The following ROBO2 variants were observed in gnomAD, a reference collection of about 807,000 sequenced individuals.
ROBO2 encodes roundabout guidance receptor 2, also known as roundabout homolog 2.
Under a neutral mutation model 160.8 loss-of-function variants are expected in ROBO2, and 53 were observed. The observed-to-expected ratio is 0.33, with a 90% confidence interval of 0.26 to 0.41. The LOEUF is 0.41. ROBO2 is among the 10% of genes least tolerant of loss of function. The pLI is 1.00. For missense variants in ROBO2, 1,577 were observed against 1,722.4 expected, an observed-to-expected ratio of 0.92 and a Z score of 1.49; for synonymous variants, 664 against 611.7, an observed-to-expected ratio of 1.09 and a Z score of -1.26.
intron 11 of ROBO2, chr3:77,564,491 A>C (rs2093423802): frequency 2.2e-6 from 1 of 455,664 alleles, no homozygotes; most frequent in Non-Finnish European, 4.4e-6. Context: ...TGCATGTGGA[A>C]ATGATGCAAA....
intron 2 of ROBO2, among the ~76,000 whole-genome samples, chr3:76,411,914 G>A (rs994327565): frequency 4.6e-5 from 7 of 152,074 alleles, no homozygotes; most frequent in East Asian, 1.9e-4. Flanking sequence ...TTTTCCCTTC[G>A]CCAAAGGTAC....
intron 2 of ROBO2, among the ~76,000 whole-genome samples, chr3:76,693,851 T>C (rs533474825): frequency 6.6e-6 from 1 of 152,322 alleles, no homozygotes; most frequent in South Asian, 2.1e-4. Context: ...CTTCAATCGA[T>C]TGGGTGGTGC....
intron 2 of ROBO2, among the ~76,000 whole-genome samples, chr3:76,572,101 CACTT>C (rs373431963): frequency 1.1e-4 from 17 of 152,108 alleles, no homozygotes; most frequent in African/African-American, 4.1e-4. Context: ...TAATATGTGG[CACTT>C]ACTATGTGTC....
chr3:76,840,744 C>T (rs898365825), intron 2 of ROBO2, among the ~76,000 whole-genome samples: 8 of 149,786 alleles, frequency 5.3e-5, no homozygotes, highest in African/African-American at 2.0e-4. Flanking sequence ...TTTGATTAAA[C>T]TTTTGCTAAA....
intron 2 of ROBO2, among the ~76,000 whole-genome samples, chr3:77,432,668 T>G (rs2153543121): frequency 6.6e-6 from 1 of 152,334 alleles, no homozygotes; most frequent in Admixed American, 6.5e-5. Flanking sequence ...AAAGACCTTT[T>G]GGTCCACAAA....
intron 2 of ROBO2, among the ~76,000 whole-genome samples, chr3:76,208,726 A>G (rs1168519973): frequency 6.6e-6 from 1 of 152,044 alleles, no homozygotes; most frequent in African/African-American, 2.4e-5. Flanking sequence ...CTGCCCTTAG[A>G]TACGATTTGT....
At chr3:76,707,391 T>C (rs7616727) in intron 2 of ROBO2, among the ~76,000 whole-genome samples, 9,239 of 152,124 alleles carry the variant, frequency 0.061, 832 homozygotes, top group African/African-American at 0.2. Context: ...TACATTACAA[T>C]CAATTAATAC....
intron 3 of ROBO2, among the ~76,000 whole-genome samples, chr3:77,480,435 C>T (rs1208289978): frequency 3.3e-5 from 5 of 152,090 alleles, no homozygotes; most frequent in Non-Finnish European, 7.4e-5. Context: ...AAATGCTTCT[C>T]ATTTAAGAAA....
At chr3:76,042,234 G>T (rs1335295103) in intron 2 of ROBO2, among the ~76,000 whole-genome samples, 1 of 151,922 alleles carries the variant, frequency 6.6e-6, no homozygotes, top group Non-Finnish European at 1.5e-5. Flanking sequence ...TTGAAGAAAT[G>T]AAATGAATAA....
At chr3:77,320,204 T>G (rs913517546) in intron 2 of ROBO2, among the ~76,000 whole-genome samples, 6 of 152,220 alleles carry the variant, frequency 3.9e-5, no homozygotes, top group African/African-American at 1.4e-4. Context: ...CCCTCTTGTT[T>G]TAAAACTCCT....
intron 2 of ROBO2, among the ~76,000 whole-genome samples, chr3:77,417,863 A>G (rs544215120): frequency 6.6e-6 from 1 of 152,216 alleles, no homozygotes; most frequent in Non-Finnish European, 1.5e-5. Context: ...CCTAAATTTA[A>G]TATATAATTA....
chr3:77,106,893 G>A (rs2072880086), intron 2 of ROBO2, among the ~76,000 whole-genome samples: 1 of 152,198 alleles, frequency 6.6e-6, no homozygotes, highest in Non-Finnish European at 1.5e-5. Context: ...TGAGCCCCAG[G>A]TTGGGTTGTT....
chr3:77,219,080 T>G (rs1448037101), intron 2 of ROBO2, among the ~76,000 whole-genome samples: 1 of 152,056 alleles, frequency 6.6e-6, no homozygotes, highest in African/African-American at 2.4e-5. Flanking sequence ...GTGATTCTCC[T>G]GCCTCAGCCT....
intron 8 of ROBO2, 88 bp downstream of exon 9, chr3:77,551,077 T>A: frequency 7.2e-7 from 1 of 1,394,818 alleles, no homozygotes; most frequent in Non-Finnish European, 1.0e-6. Context: ...GCTGATTTGT[T>A]AAATCATTTC....
At chr3:76,537,572 T>A (rs2082579140) in intron 2 of ROBO2, among the ~76,000 whole-genome samples, 1 of 152,078 alleles carries the variant, frequency 6.6e-6, no homozygotes, top group African/African-American at 2.4e-5. Flanking sequence ...TTCCTTGGGC[T>A]GGTCTGAGGA....
intron 2 of ROBO2, among the ~76,000 whole-genome samples, chr3:76,813,317 A>C (rs2065363818): frequency 6.6e-6 from 1 of 152,242 alleles, no homozygotes; most frequent in Non-Finnish European, 1.5e-5. Flanking sequence ...TCTGTAGCTA[A>C]TATAAACCTG....
At chr3:76,609,918 T>C (rs1394190554) in intron 2 of ROBO2, among the ~76,000 whole-genome samples, 1 of 152,212 alleles carries the variant, frequency 6.6e-6, no homozygotes, top group Admixed American at 6.5e-5. Flanking sequence ...TTAGAGATGT[T>C]GAATTTTATA....
intron 1 of ROBO2, among the ~76,000 whole-genome samples, chr3:77,069,129 A>G (rs1443300556): frequency 2.0e-5 from 3 of 152,112 alleles, no homozygotes; most frequent in African/African-American, 7.2e-5. Context: ...GCTCGTTAAG[A>G]GAGAGTGTGC....
intron 1 of ROBO2, among the ~76,000 whole-genome samples, chr3:77,090,600 C>G (rs560220842): frequency 2.2e-4 from 33 of 151,874 alleles, no homozygotes; most frequent in South Asian, 1.9e-3. Context: ...GTGATCTGCC[C>G]GCCTCGGCCT....
Sources: gnomAD v4.1 joint callset for allele counts (sites outside exome capture counted in the v4.1 genomes callset) on GRCh38, gnomAD v4.1.1 for gene constraint, MANE v1.5 for transcripts, NCBI Gene and HGNC (gene_info 2026-07-23, HGNC 2026-07-21) for gene names.